Variants in AFAP1L1 observed in about 807,000 individuals in gnomAD.
The protein encoded by AFAP1L1 is actin filament associated protein 1 like 1.
AFAP1L1 carries 77 observed loss-of-function variants against 99.8 expected under a neutral mutation model. The observed-to-expected ratio is 0.77, with a 90% CI of 0.64 to 0.93. AFAP1L1 has a LOEUF of 0.93. AFAP1L1 is among the 40% of genes least tolerant of loss of function. The pLI is 0.00. For synonymous variants in AFAP1L1, 373 were observed against 395.3 expected (o/e 0.94, Z 0.67); for missense variants, 893 against 996.8 (o/e 0.90, Z 1.40).
chr5:149,311,375 G>A (rs1044866258), intron 8 of AFAP1L1, among the ~76,000 whole-genome samples: 3 of 152,180 alleles, frequency 2.0e-5, no homozygotes. Context: ...GATCCTGGGC[G>A]GCCGTTAGCC....
At chr5:149,321,355 C>A (rs1169689149) in intron 14 of AFAP1L1, among the ~76,000 whole-genome samples, 1 of 152,200 alleles carries the variant, frequency 6.6e-6, no homozygotes, top group East Asian at 1.9e-4. Flanking sequence ...CTGGTCTTCA[C>A]TTCCTGACTC....
chr5:149,332,659 G>C (rs924982689), intron 16 of AFAP1L1, 36 bp from the exon 17 acceptor site: 13 of 1,594,332 alleles, frequency 8.2e-6, no homozygotes, highest in Non-Finnish European at 1.0e-5. Flanking sequence ...TTTCAGGTCA[G>C]GTTCAGCTTT....
chr5:149,284,427 G>C (rs980837351), intron 1 of AFAP1L1, among the ~76,000 whole-genome samples: 1 of 152,140 alleles, frequency 6.6e-6, no homozygotes, highest in Non-Finnish European at 1.5e-5. Context: ...CTACGATGAG[G>C]GCTCATTGGA....
chr5:149,297,211 A>G (rs1194218672), intron 1 of AFAP1L1, among the ~76,000 whole-genome samples: 5 of 152,208 alleles, frequency 3.3e-5, no homozygotes, highest in African/African-American at 1.2e-4. Flanking sequence ...TGCTTTAAAG[A>G]GGGAAACATA....
At chr5:149,332,087 A>G (rs556139236) in intron 16 of AFAP1L1, among the ~76,000 whole-genome samples, 3 of 152,272 alleles carry the variant, frequency 2.0e-5, no homozygotes, top group African/African-American at 7.2e-5. Flanking sequence ...AGTCAGCCCC[A>G]CTCAAACTAA....
At chr5:149,291,015 A>G (rs139729925) in intron 1 of AFAP1L1, among the ~76,000 whole-genome samples, 11 of 152,384 alleles carry the variant, frequency 7.2e-5, no homozygotes, top group African/African-American at 2.4e-4. Context: ...GAAGTGCCAC[A>G]GGGAGAGATA....
chr5:149,293,319 A>C (rs968359524), intron 1 of AFAP1L1, among the ~76,000 whole-genome samples: 1 of 152,214 alleles, frequency 6.6e-6, no homozygotes, highest in Non-Finnish European at 1.5e-5. Context: ...ACAGCTAGAA[A>C]ATGACAGAGC....
At chr5:149,301,063 C>G in intron 3 of AFAP1L1, 70 bp from the exon 4 acceptor site, 1 of 1,432,036 alleles carries the variant, frequency 7.0e-7, no homozygotes, top group Admixed American at 1.8e-5. Context: ...GACCCCAAAT[C>G]CAGCCCTCTT....
chr5:149,290,047 C>T (rs1201932107), intron 1 of AFAP1L1, among the ~76,000 whole-genome samples: 1 of 152,146 alleles, frequency 6.6e-6, no homozygotes, highest in Non-Finnish European at 1.5e-5. Context: ...TCCTGGCTAA[C>T]ATGGTGAAAC....
chr5:149,332,295 G>A (rs1171960801), intron 16 of AFAP1L1, among the ~76,000 whole-genome samples: 1 of 152,220 alleles, frequency 6.6e-6, no homozygotes, highest in Non-Finnish European at 1.5e-5. Flanking sequence ...TACTTGGGAG[G>A]CTGAGGCAGG....
Position 149,300,335 on chromosome 5 carries a change from A to T in AFAP1L1, c.210A>T (p.Glu70Asp), listed in dbSNP as rs1322951925. 6.2e-7 allele frequency: 1 copy of T among 1,613,076 alleles called. No individual in the cohort carries two copies. The highest frequency in any genetic ancestry group is 2.2e-5 in the East Asian group (1 of 44,854). Reference protein sequence around the residue: ...ADLHSGPSFVESLFEEFDCDL... With the variant: ...ADLHSGPSFVDSLFEEFDCDL... ...TCCACTCGGGGCCCAGCTTCGTGGAATCCCTCTTTGAAGAATTTGGTAAGT... is the reference window on the plus strand; with the variant it reads ...TCCACTCGGGGCCCAGCTTCGTGGATTCCCTCTTTGAAGAATTTGGTAAGT... Residue 70 changes from glutamate (E) to aspartate (D), a missense_variant, in exon 3 of 19, where the codon GAA becomes GAT. Physicochemically the swap from Glu to Asp is conservative, Grantham distance 45 (BLOSUM62 2). Coordinates refer to ENST00000296721, the MANE Select transcript of AFAP1L1 (RefSeq NM_152406.4).
Position 149,335,538 on chromosome 5 carries a change from T to C in AFAP1L1, c.2155-56T>C. ...CTCATGCTTTTGAGGGCAGGCTGGG[T>C]GTGTAGGTAGCCATCACCAGATCTC... is the stretch of plus-strand genomic sequence containing the variant. On this transcript the variant is annotated intron_variant, in intron 17 of 18. Transcript: ENST00000296721. 5 of 1,578,182 alleles carry C rather than the reference T, an allele frequency of 3.2e-6. No homozygotes were observed. The South Asian group carries it at 4.6e-5, about 15-fold the overall frequency.
chr5:149,309,868 C>T lies in AFAP1L1; in HGVS notation c.748-88C>T, dbSNP rs964433873. Reference sequence around the variant, plus strand: ...GTGGGGGAGGTCTCTAAAGGGAGGTCGGGCTTCCCCCGAGCCTTTGTGTGA... The same window carrying T: ...GTGGGGGAGGTCTCTAAAGGGAGGTTGGGCTTCCCCCGAGCCTTTGTGTGA... On this transcript the variant is annotated intron_variant, in intron 7 of 18. Coordinates refer to ENST00000296721, the MANE Select transcript of AFAP1L1 (RefSeq NM_152406.4). The T allele has an allele frequency of 8.3e-6, 13 of 1,560,380 alleles. No homozygotes were observed. The East Asian group carries it at 9.0e-5, about 11-fold the overall frequency.
At chr5:149,278,714 C>T (rs757958700) in intron 1 of AFAP1L1, among the ~76,000 whole-genome samples, 1 of 152,210 alleles carries the variant, frequency 6.6e-6, no homozygotes. Context: ...ATAATATTTG[C>T]CTAGCTCCCA....
At chr5:149,292,522 T>C (rs1246541748) in intron 1 of AFAP1L1, among the ~76,000 whole-genome samples, 3 of 152,218 alleles carry the variant, frequency 2.0e-5, no homozygotes, top group Non-Finnish European at 4.4e-5. Flanking sequence ...AGCCTAATCT[T>C]AGATATATTT....
intron 1 of AFAP1L1, among the ~76,000 whole-genome samples, chr5:149,294,289 T>A (rs1269484424): frequency 2.0e-5 from 3 of 151,998 alleles, no homozygotes; most frequent in Admixed American, 6.6e-5. Context: ...GCTGGAGGAG[T>A]CTTTTCTTAC....
At chr5:149,289,869 C>T (rs1373660383) in intron 1 of AFAP1L1, among the ~76,000 whole-genome samples, 4 of 152,222 alleles carry the variant, frequency 2.6e-5, no homozygotes, top group Non-Finnish European at 5.9e-5. Context: ...ACAACTAGAT[C>T]CTCCAGTATT....
chr5:149,299,924 T>C (rs553724593), intron 2 of AFAP1L1, among the ~76,000 whole-genome samples: 2 of 151,288 alleles, frequency 1.3e-5, no homozygotes, highest in East Asian at 3.9e-4. Context: ...CACACTCACA[T>C]AGAACACACA....
intron 1 of AFAP1L1, among the ~76,000 whole-genome samples, chr5:149,278,463 TCTC>T (rs1461187887): frequency 9.9e-5 from 15 of 152,168 alleles, no homozygotes; most frequent in Middle Eastern, 3.4e-3. Context: ...TCTGATGTAT[TCTC>T]CTAATTTGCA....
Sources: allele counts gnomAD v4.1 joint callset (sites outside exome capture counted in the v4.1 genomes callset), GRCh38; gene constraint gnomAD v4.1.1; transcripts MANE v1.5; gene names NCBI Gene and HGNC (gene_info 2026-07-23, HGNC 2026-07-21).